Variants in HMBOX1 observed in about 807,000 individuals in gnomAD.
HMBOX1 encodes the protein homeobox containing 1.
Under a neutral mutation model 54.5 loss-of-function variants are expected in HMBOX1, and 14 were observed. The observed-to-expected ratio is 0.26, with a 90% CI of 0.17 to 0.40. The LOEUF is 0.40. Among genes scored for constraint, HMBOX1 ranks in the 10% least tolerant of loss-of-function variants. The pLI, the probability that HMBOX1 is intolerant of heterozygous loss-of-function variation, is 1.00. For synonymous variants in HMBOX1, 160 were observed against 181.0 expected, an observed-to-expected ratio of 0.88 and a Z score of 0.93; for missense variants, 332 against 514.4, an observed-to-expected ratio of 0.65 and a Z score of 3.43.
At chr8:28,933,280 A>C (rs1819795500) in intron 1 of HMBOX1, among the ~76,000 whole-genome samples, 1 of 152,208 alleles carries the variant, frequency 6.6e-6, no homozygotes, top group Non-Finnish European at 1.5e-5. Flanking sequence ...CTTGATCTAC[A>C]TCAGGTCCCT....
chr8:28,907,706 C>G (rs1814600714), intron 1 of HMBOX1, among the ~76,000 whole-genome samples: 1 of 152,144 alleles, frequency 6.6e-6, no homozygotes, highest in Non-Finnish European at 1.5e-5. Context: ...TTGCTGACCA[C>G]CGAATTATAA....
rs1329699435 is a variant in HMBOX1, at chr8:28,970,251, A to G, written c.232A>G (p.Asn78Asp). 2 of 1,614,028 alleles carry G rather than the reference A, an allele frequency of 1.2e-6. No homozygotes were observed. The highest frequency in any genetic ancestry group is 4.5e-5 in the East Asian group (2 of 44,896). The change falls in exon 3 of 10, where the codon AAT becomes GAT. Residue 78 changes from asparagine (N) to aspartate (D), a missense_variant. Asn to Asp is a conservative substitution (Grantham distance 23). This residue lies in a region of HMBOX1 where 146 missense variants were observed against 173.3 expected (regional missense o/e 0.84). Coordinates refer to ENST00000287701, the MANE Select transcript of HMBOX1 (RefSeq NM_001135726.3). The surrounding 1 kb of genome is among the most constrained non-coding windows in gnomAD (Gnocchi z 4.3). ...AAGTTCATATGGGAATAGTACTAACAATGTCCCAGCATCTTCCTCTACAGC... is the reference window on the plus strand; with the variant it reads ...AAGTTCATATGGGAATAGTACTAACGATGTCCCAGCATCTTCCTCTACAGC... ...GGSSYGNSTN[N>D]VPASSSTATA...
At chr8:28,954,942 G>A (rs1824144715) in intron 1 of HMBOX1, among the ~76,000 whole-genome samples, 1 of 151,972 alleles carries the variant, frequency 6.6e-6, no homozygotes, top group Admixed American at 6.5e-5. Flanking sequence ...GAGCCATCTT[G>A]CCACCTTCTG....
chr8:28,966,680 T>C (rs182519611), intron 2 of HMBOX1, among the ~76,000 whole-genome samples: 10 of 152,346 alleles, frequency 6.6e-5, no homozygotes, highest in Non-Finnish European at 1.3e-4. Flanking sequence ...ATTCTCAATA[T>C]CCAGGAGAGC....
At chr8:28,924,608 T>C (rs1818120971) in intron 1 of HMBOX1, 1 of 152,050 alleles carries the variant, frequency 6.6e-6, no homozygotes, top group South Asian at 2.1e-4. Flanking sequence ...GAGGTGATTC[T>C]TGTATATGGT....
intron 1 of HMBOX1, among the ~76,000 whole-genome samples, chr8:28,946,474 A>T (rs1822475934): frequency 6.6e-6 from 1 of 151,858 alleles, no homozygotes; most frequent in Admixed American, 6.6e-5. Context: ...GGAGCTTGAG[A>T]CAGGAGAATC....
intron 6 of HMBOX1, among the ~76,000 whole-genome samples, chr8:29,040,727 T>C (rs536191384): frequency 3.3e-5 from 5 of 152,186 alleles, no homozygotes; most frequent in Non-Finnish European, 7.4e-5. Flanking sequence ...TTTAAAACCA[T>C]ATTGAATCAA....
intron 9 of HMBOX1, chr8:29,049,458 A>C: frequency 6.7e-7 from 1 of 1,493,032 alleles, no homozygotes; most frequent in Non-Finnish European, 8.9e-7. Flanking sequence ...GCTGGACCCC[A>C]TGCCTAAACA....
intron 5 of HMBOX1, chr8:29,009,835 G>A: frequency 2.5e-6 from 3 of 1,215,356 alleles, no homozygotes; most frequent in Non-Finnish European, 3.1e-6. Context: ...ATTTTATAAA[G>A]TGAAATCTGA....
chr8:28,956,242 G>A (rs1056123252), intron 1 of HMBOX1, among the ~76,000 whole-genome samples: 1 of 151,566 alleles, frequency 6.6e-6, no homozygotes, highest in East Asian at 1.9e-4. Flanking sequence ...GTGCATTTGA[G>A]TATTTTTTGA....
intron 6 of HMBOX1, among the ~76,000 whole-genome samples, chr8:29,025,968 G>A (rs1801953537): frequency 6.6e-6 from 1 of 151,384 alleles, no homozygotes; most frequent in Non-Finnish European, 1.5e-5. Flanking sequence ...TGATGACCTT[G>A]CTCATCATGA....
At chr8:29,043,292 G>A (rs1373649024) in intron 6 of HMBOX1, among the ~76,000 whole-genome samples, 1 of 149,746 alleles carries the variant, frequency 6.7e-6, no homozygotes, top group African/African-American at 2.4e-5. Context: ...TATATAAAAC[G>A]CTCTTCCTCC....
Position 29,049,024 on chromosome 8 carries a change from C to T in HMBOX1, c.1101C>T (p.Val367=), listed in dbSNP as rs762951369. 5.0e-6 allele frequency: 8 copies of T among 1,613,698 alleles called. No individual in the cohort carries two copies. Among genetic ancestry groups the T allele is most frequent in the Non-Finnish European group, 5.1e-6 (6 of 1,179,862 alleles). The stretch of plus-strand genomic sequence containing the variant: ...GAGGCCACTCAAACAGTGATGATGT[C>T]GACGGGAATGACTACTCTGAGCAGG... The part of the protein sequence containing the change: ...SPGGHSNSDD[V]DGNDYSEQDD... The change falls in exon 9 of 10, where the codon GTC becomes GTT. Residue 367 remains valine, a synonymous_variant. Transcript: ENST00000287701.
At chr8:28,893,018 A>T (rs553995429) in intron 1 of HMBOX1, among the ~76,000 whole-genome samples, 29 of 152,354 alleles carry the variant, frequency 1.9e-4, no homozygotes, top group African/African-American at 6.7e-4. Flanking sequence ...ATGTTTGTTA[A>T]TATTTTAAAT....
rs1827299558 is a variant in HMBOX1 at position 28,970,994 on chromosome 8, AC to A, written c.500+476del. 7.4e-6 allele frequency among the ~76,000 whole-genome samples: 1 copy of A among 135,258 alleles called. No homozygotes were observed. Among genetic ancestry groups the A allele is most frequent in the Non-Finnish European group, 1.6e-5 (1 of 61,126 alleles). 88.7% of individuals were successfully genotyped at this position (135,258 alleles called of 152,430 possible). On this transcript the variant is annotated intron_variant, in intron 3 of 9. Transcript: ENST00000287701. The surrounding 1 kb of genome is among the most constrained non-coding windows in gnomAD (Gnocchi z 4.3). ...TTAGCAATAGATGACACACACACACACACACACACACACACACACACACACA... is the reference window on the plus strand; with the variant it reads ...TTAGCAATAGATGACACACACACACAACACACACACACACACACACACACA...
intron 6 of HMBOX1, among the ~76,000 whole-genome samples, chr8:29,020,188 A>G (rs539073371): frequency 2.0e-5 from 3 of 152,340 alleles, no homozygotes; most frequent in African/African-American, 7.2e-5. Context: ...CACACAGCAG[A>G]TGAGAATTAA....
chr8:29,038,789 A>G (rs927421021), intron 6 of HMBOX1, among the ~76,000 whole-genome samples: 1 of 152,178 alleles, frequency 6.6e-6, no homozygotes, highest in Admixed American at 6.5e-5. Context: ...TTGCCCTACA[A>G]AAATAAGTTT....
intron 4 of HMBOX1, among the ~76,000 whole-genome samples, chr8:28,991,620 A>G (rs972405869): frequency 2.6e-5 from 4 of 152,232 alleles, no homozygotes; most frequent in African/African-American, 9.6e-5. Context: ...TCTTAATGTG[A>G]TCTTTCATTT....
rs559660936 is a variant in HMBOX1 at position 29,034,906 on chromosome 8, T to A, written c.852-10455T>A. ...AGGCAATTGAGGACTCATTTATCTA[T>A]ATCCTGGTAGTTTGATTGACTCCCA... is the stretch of plus-strand genomic sequence containing the variant. On this transcript the variant is annotated intron_variant, in intron 6 of 9. Coordinates refer to ENST00000287701, the MANE Select transcript of HMBOX1 (RefSeq NM_001135726.3). Among the ~76,000 whole-genome samples the A allele has an allele frequency of 6.3e-4, 96 of 152,250 alleles. 6 individuals carry two copies. The South Asian group carries it at 0.018, about 28-fold the overall frequency.
Sources: gnomAD v4.1 joint callset for allele counts (sites outside exome capture counted in the v4.1 genomes callset) on GRCh38, gnomAD v4.1.1 for gene constraint, gnomAD v4.1.1 regional missense constraint, Gnocchi (gnomAD v3.1) non-coding constraint, MANE v1.5 for transcripts, NCBI Gene and HGNC (gene_info 2026-07-23, HGNC 2026-07-21) for gene names.